Variants in EDIL3 observed in about 807,000 individuals in gnomAD.
EDIL3 encodes EGF-like repeat and discoidin I-like domain-containing protein 3.
EDIL3 carries 37 observed loss-of-function variants against 67.4 expected under a neutral mutation model. That is an observed-to-expected ratio of 0.55 (90% CI 0.42 to 0.72). EDIL3 has a LOEUF of 0.72. EDIL3 is among the 30% of genes least tolerant of loss of function. The probability of loss-of-function intolerance (pLI) is 0.00; values close to 1 mark genes in which losing one functional copy is unlikely to be tolerated. For missense variants in EDIL3, 527 were observed against 586.3 expected (o/e 0.90, Z 1.04); for synonymous variants, 195 against 196.3 (o/e 0.99, Z 0.05).
At chr5:84,120,952 C>T (rs1353802309) in intron 5 of EDIL3, among the ~76,000 whole-genome samples, 3 of 151,974 alleles carry the variant, frequency 2.0e-5, no homozygotes, top group African/African-American at 7.2e-5. Context: ...AAGATTGCCA[C>T]TGAGTCCTCA....
intron 3 of EDIL3, among the ~76,000 whole-genome samples, chr5:84,204,878 T>A (rs1279428198): frequency 6.6e-6 from 1 of 152,054 alleles, no homozygotes; most frequent in African/African-American, 2.4e-5. Context: ...AATGTAATGT[T>A]TCCTGTAAGC....
intron 7 of EDIL3, 144 bp downstream of exon 7, chr5:84,066,307 A>G: frequency 3.5e-6 from 3 of 859,168 alleles, no homozygotes; most frequent in Non-Finnish European, 4.9e-6. Context: ...TACTTCCTTC[A>G]TCACACTAGC....
intron 5 of EDIL3, 93 bp downstream of exon 5, chr5:84,137,148 A>C: frequency 1.2e-6 from 1 of 841,994 alleles, no homozygotes; most frequent in South Asian, 2.5e-5. Context: ...TGTACATAAA[A>C]ATATATATGC....
chr5:83,943,388 A>C lies in EDIL3; in HGVS notation c.*31T>G. ...TCCATGGAGATACTTTTAGGGAAAT[A>C]GGGAAGAGGGTTGTGAAATGTAGCC... is the stretch of plus-strand genomic sequence containing the variant. On this transcript the variant is annotated 3_prime_UTR_variant, in exon 11 of 11. Transcript: ENST00000296591. 6.2e-7 allele frequency: 1 copy of C among 1,610,898 alleles called. No homozygotes were observed. The highest frequency in any genetic ancestry group is 8.5e-7 in the Non-Finnish European group (1 of 1,178,468).
intron 5 of EDIL3, among the ~76,000 whole-genome samples, chr5:84,130,717 C>T (rs1467528652): frequency 6.6e-6 from 1 of 152,068 alleles, no homozygotes; most frequent in African/African-American, 2.4e-5. Context: ...TCACTAAAAT[C>T]ACTGCAAACA....
chr5:83,986,258 T>C (rs1321288558), intron 9 of EDIL3, among the ~76,000 whole-genome samples: 1 of 152,266 alleles, frequency 6.6e-6, no homozygotes, highest in East Asian at 1.9e-4. Context: ...TCTTGCATAT[T>C]GATAAAATTC....
At chr5:84,322,513 A>G (rs886456879) in intron 1 of EDIL3, among the ~76,000 whole-genome samples, 14 of 152,144 alleles carry the variant, frequency 9.2e-5, no homozygotes, top group Non-Finnish European at 4.4e-5. Context: ...GACAATGTAA[A>G]TAAGTGAGTC....
intron 4 of EDIL3, among the ~76,000 whole-genome samples, chr5:84,155,761 T>C (rs725044): frequency 3.0e-4 from 46 of 152,350 alleles, no homozygotes; most frequent in African/African-American, 1.1e-3. Flanking sequence ...ATGTATATCA[T>C]ATTTTCTTTA....
intron 3 of EDIL3, among the ~76,000 whole-genome samples, chr5:84,207,108 C>T (rs1743998419): frequency 6.6e-6 from 1 of 152,136 alleles, no homozygotes; most frequent in African/African-American, 2.4e-5. Flanking sequence ...GTCAAATTGT[C>T]CCTGTTTGCA....
At position 83,943,329 on chromosome 5, in the gene EDIL3, C is replaced by A. The variant is rs773088869; in HGVS notation, c.*90G>T. On this transcript the variant is annotated 3_prime_UTR_variant, in exon 11 of 11. Coordinates refer to ENST00000296591, the MANE Select transcript of EDIL3 (RefSeq NM_005711.5). ...CTTTTTCATGAAAAAAAAAAAAAAA[C>A]CATTCAGTTTCCTACAGATTTTGCA... 2.2e-4 allele frequency: 274 copies of A among 1,237,494 alleles called. 1 individual carries two copies. Among genetic ancestry groups the A allele is most frequent in the Admixed American group, 6.9e-4 (28 of 40,584 alleles). The allele number at this position is 1,237,494 out of a possible 1,614,324, so 76.7% of individuals were successfully genotyped here. A position where few individuals can be genotyped will look rare whatever the true frequency, so the allele number is the denominator to read the frequency against.
chr5:84,182,039 G>A (rs1554071949), intron 3 of EDIL3, among the ~76,000 whole-genome samples: 2 of 152,056 alleles, frequency 1.3e-5, no homozygotes, highest in Non-Finnish European at 2.9e-5. Context: ...CTGGACAAAT[G>A]AATAATAATA....
chr5:84,361,270 A>AACACACACACAC (rs10553087), intron 1 of EDIL3, among the ~76,000 whole-genome samples: 133 of 147,498 alleles, frequency 9.0e-4, no homozygotes, highest in African/African-American at 2.9e-3. Context: ...AGGTCATTAC[A>AACACACACACAC]ACACACACAC....
chr5:83,966,206 T>TA (rs1744688107), intron 9 of EDIL3, among the ~76,000 whole-genome samples: 1 of 152,082 alleles, frequency 6.6e-6, no homozygotes, highest in African/African-American at 2.4e-5. Context: ...GCAGACTATT[T>TA]AGGGCACTGA....
intron 1 of EDIL3, among the ~76,000 whole-genome samples, chr5:84,265,212 A>G (rs1745322823): frequency 6.6e-6 from 1 of 152,218 alleles, no homozygotes; most frequent in Admixed American, 6.5e-5. Context: ...ACAGCAGTAG[A>G]ATGTCTTAGT....
Position 83,942,434 on chromosome 5 carries a change from A to G in EDIL3, c.*985T>C, listed in dbSNP as rs1261615247. 5.9e-5 allele frequency: 9 copies of G among 152,058 alleles called. No individual in the cohort carries two copies. Among genetic ancestry groups the G allele is most frequent in the African/African-American group, 2.2e-4 (9 of 41,438 alleles). The allele number at this position is 152,058 out of a possible 1,614,324, so 9.4% of individuals were successfully genotyped here. A position where few individuals can be genotyped will look rare whatever the true frequency, so the allele number is the denominator to read the frequency against. On this transcript the variant is annotated 3_prime_UTR_variant, in exon 11 of 11. Coordinates refer to ENST00000296591, the MANE Select transcript of EDIL3 (RefSeq NM_005711.5). ...GCTTGGCCAAACTATGCAGCACTAT[A>G]TTAATATTTCTTTGCTAAATTTTTT...
intron 9 of EDIL3, among the ~76,000 whole-genome samples, chr5:83,983,528 T>G (rs928690229): frequency 6.6e-6 from 1 of 152,086 alleles, no homozygotes; most frequent in African/African-American, 2.4e-5. Context: ...AGTTTTAAGG[T>G]GGAGTATTAA....
chr5:84,164,633 A>C (rs905396368), intron 4 of EDIL3, among the ~76,000 whole-genome samples: 1 of 152,070 alleles, frequency 6.6e-6, no homozygotes, highest in South Asian at 2.1e-4. Flanking sequence ...TCAAACCATA[A>C]ACAAGTGTTT....
rs548494378 is a variant in EDIL3, at chr5:84,169,734, T to C, written c.355+10659A>G. 2.0e-5 allele frequency among the ~76,000 whole-genome samples: 3 copies of C among 151,962 alleles called. No individual in the cohort carries two copies. The East Asian group carries it at 5.8e-4, about 29-fold the overall frequency. On this transcript the variant is annotated intron_variant, in intron 4 of 10. Coordinates refer to ENST00000296591, the MANE Select transcript of EDIL3 (RefSeq NM_005711.5). ...TGTATCAATAGGTCCTTCCTTTGCA[T>C]TGCTGAGTAGCAATTCCATGGTATG...
chr5:84,125,643 AAC>A (rs1747856742), intron 5 of EDIL3, among the ~76,000 whole-genome samples: 1 of 152,032 alleles, frequency 6.6e-6, no homozygotes, highest in South Asian at 2.1e-4. Flanking sequence ...TCACTAAGTT[AAC>A]AGGCGGACAT....
Sources: allele counts gnomAD v4.1 joint callset (sites outside exome capture counted in the v4.1 genomes callset), GRCh38; gene constraint gnomAD v4.1.1; transcripts MANE v1.5; gene names NCBI Gene and HGNC (gene_info 2026-07-23, HGNC 2026-07-21).